FHL5: variants seen among roughly 807,000 people sequenced by gnomAD.
FHL5 encodes four and a half LIM domains protein 5.
A neutral mutation model predicts 32.0 loss-of-function variants in FHL5; 33 were observed. That is an observed-to-expected ratio of 1.03 (90% CI 0.78 to 1.38). FHL5 has a LOEUF of 1.38. Ranked by LOEUF, FHL5 falls within the 40% of genes most tolerant of loss-of-function variation. The pLI is 0.00. For synonymous variants in FHL5, 114 were observed against 113.6 expected, an observed-to-expected ratio of 1.00 and a Z score of -0.02; for missense variants, 336 against 343.9, an observed-to-expected ratio of 0.98 and a Z score of 0.18.
chr6:96,606,160 TG>T (rs1369217422), intron 4 of FHL5, 89 bp downstream of exon 4: 2 of 1,084,848 alleles, frequency 1.8e-6, no homozygotes, highest in Non-Finnish European at 2.7e-6. Flanking sequence ...GATACTATTA[TG>T]TTATATCTGT....
Position 96,607,204 on chromosome 6 carries a change from G to A in FHL5, c.504+1133G>A, listed in dbSNP as rs753031205. ...GTTCTCAAAGAAATCCTTGACCTGC[G>A]AGGCATCATAAGTTTAAAATGACAC... On this transcript the variant is annotated intron_variant, in intron 4 of 5. Transcript: ENST00000450218. 9.0e-4 allele frequency among the ~76,000 whole-genome samples: 135 copies of A among 150,716 alleles called. 1 individual carries two copies. The highest frequency in any genetic ancestry group is 1.1e-3 in the Non-Finnish European group (74 of 67,998).
chr6:96,610,616 TAA>T lies in FHL5; in HGVS notation c.551_552del (p.Lys184ArgfsTer6). The T allele has an allele frequency of 6.2e-7, 1 of 1,614,036 alleles. No individual in the cohort carries two copies. ...TAACATTTTGTGACCAGCTATGGCA[TAA>T]AGAGTGTTTTCTGTGTAGTGGCTGT... ...GITFCDQLWH[K>X]ECFLCSGCRK... On this transcript the variant is annotated frameshift_variant, in exon 5 of 6. Transcript: ENST00000450218. LOFTEE classifies it high-confidence loss of function.
intron 1 of FHL5, among the ~76,000 whole-genome samples, chr6:96,593,051 C>T (rs937470483): frequency 6.6e-6 from 1 of 151,904 alleles, no homozygotes; most frequent in South Asian, 2.1e-4. Flanking sequence ...CTTTTTATAC[C>T]TTTTATCATC....
chr6:96,601,151 C>T (rs900813106), intron 1 of FHL5, among the ~76,000 whole-genome samples: 24 of 152,026 alleles, frequency 1.6e-4, no homozygotes, highest in African/African-American at 3.9e-4. Context: ...CTGGCCAACA[C>T]GGTAAAATCC....
chr6:96,594,641 C>T (rs1202563004), intron 1 of FHL5, among the ~76,000 whole-genome samples: 1 of 151,896 alleles, frequency 6.6e-6, no homozygotes, highest in African/African-American at 2.4e-5. Context: ...GGTTTTCAAC[C>T]AAGAAAGTTT....
chr6:96,573,166 AC>A (rs1321962112), intron 1 of FHL5, among the ~76,000 whole-genome samples: 1 of 152,196 alleles, frequency 6.6e-6, no homozygotes, highest in Non-Finnish European at 1.5e-5. Context: ...GCCAATATAA[AC>A]CTACTGAAAA....
chr6:96,579,441 A>G (rs924754190), intron 1 of FHL5, among the ~76,000 whole-genome samples: 15 of 152,202 alleles, frequency 9.9e-5, no homozygotes, highest in African/African-American at 2.9e-4. Flanking sequence ...TGGCATTTGT[A>G]TAATTCACAA....
At chr6:96,613,120 C>T (rs1296214500) in intron 5 of FHL5, among the ~76,000 whole-genome samples, 1 of 152,114 alleles carries the variant, frequency 6.6e-6, no homozygotes, top group African/African-American at 2.4e-5. Flanking sequence ...TCACCACACA[C>T]ACAAAAAAGC....
At chr6:96,601,248 G>A (rs1479267921) in intron 1 of FHL5, among the ~76,000 whole-genome samples, 1 of 152,082 alleles carries the variant, frequency 6.6e-6, no homozygotes, top group Non-Finnish European at 1.5e-5. Context: ...GCAGGAGAAT[G>A]GCTTGAACCC....
At chr6:96,591,889 G>A (rs898059771) in intron 1 of FHL5, among the ~76,000 whole-genome samples, 4 of 152,098 alleles carry the variant, frequency 2.6e-5, no homozygotes, top group African/African-American at 9.7e-5. Flanking sequence ...TGTCCCCTGA[G>A]CTGTAAAACC....
intron 1 of FHL5, among the ~76,000 whole-genome samples, chr6:96,594,256 TATATATATATATATA>T (rs367830539): frequency 0.073 from 9,856 of 135,702 alleles, 592 homozygotes; most frequent in Non-Finnish European, 0.099. Context: ...TATATATATA[TATATATATATATATA>T]TATGTATGTA....
chr6:96,600,256 T>A (rs1771121592), intron 1 of FHL5, among the ~76,000 whole-genome samples: 1 of 152,192 alleles, frequency 6.6e-6, no homozygotes, highest in Non-Finnish European at 1.5e-5. Context: ...AAAAGCAACA[T>A]CAGGGAGTTG....
At chr6:96,568,628 C>T (rs556764598) in intron 1 of FHL5, among the ~76,000 whole-genome samples, 1 of 151,796 alleles carries the variant, frequency 6.6e-6, no homozygotes, top group East Asian at 1.9e-4. Flanking sequence ...TTATTACAGA[C>T]TTAATGCCAT....
At chr6:96,612,842 T>C (rs1771441065) in intron 5 of FHL5, among the ~76,000 whole-genome samples, 1 of 152,194 alleles carries the variant, frequency 6.6e-6, no homozygotes, top group Non-Finnish European at 1.5e-5. Context: ...TAAATATCTA[T>C]AGGCCCTGAA....
Position 96,618,093 on chromosome 6 carries a change from C to T in FHL5, c.*2321C>T, listed in dbSNP as rs1771558780. On this transcript the variant is annotated 3_prime_UTR_variant, in exon 6 of 6. Coordinates refer to ENST00000450218, the MANE Select transcript of FHL5 (RefSeq NM_001322466.2). ...CAAAGCACCACATATGTAGACATAG[C>T]ACACATATGCAAAACAACTAAGAAA... Among the ~76,000 whole-genome samples, 1 of 152,180 alleles carries T rather than the reference C, an allele frequency of 6.6e-6. No homozygotes were observed. The highest frequency in any genetic ancestry group is 2.4e-5 in the African/African-American group (1 of 41,448).
chr6:96,606,098 G>A (rs1307167973), intron 4 of FHL5, 27 bp downstream of exon 4: 6 of 1,593,254 alleles, frequency 3.8e-6, no homozygotes, highest in Non-Finnish European at 5.2e-6. Flanking sequence ...GGTGAAGCTT[G>A]TGGAAACTCA....
chr6:96,592,121 C>G (rs562310169), intron 1 of FHL5, among the ~76,000 whole-genome samples: 1 of 152,166 alleles, frequency 6.6e-6, no homozygotes, highest in East Asian at 1.9e-4. Context: ...TTGAGAGCAA[C>G]CTGTCTGACC....
At chr6:96,602,913 T>C (rs552561315) in intron 1 of FHL5, among the ~76,000 whole-genome samples, 2 of 152,260 alleles carry the variant, frequency 1.3e-5, no homozygotes, top group African/African-American at 4.8e-5. Context: ...GAATCCTACC[T>C]GCTGAGGAGT....
At chr6:96,597,762 C>T (rs1771065858) in intron 1 of FHL5, among the ~76,000 whole-genome samples, 6 of 152,164 alleles carry the variant, frequency 3.9e-5, no homozygotes, top group Admixed American at 3.9e-4. Context: ...CTTCCCAGTT[C>T]TGCTGCTGCA....
Sources: gnomAD v4.1 joint callset for allele counts (sites outside exome capture counted in the v4.1 genomes callset) on GRCh38, gnomAD v4.1.1 for gene constraint, MANE v1.5 for transcripts, NCBI Gene and HGNC (gene_info 2026-07-23, HGNC 2026-07-21) for gene names.